The following MIR2052HG variants were observed in gnomAD, a reference collection of about 807,000 sequenced individuals.
The protein encoded by MIR2052HG is MIR2052 host gene.
intron 4 of MIR2052HG, among the ~76,000 whole-genome samples, chr8:74,744,014 G>T (rs1809857621): frequency 6.6e-6 from 1 of 152,162 alleles, no homozygotes; most frequent in Non-Finnish European, 1.5e-5. Context: ...AATTATAAAA[G>T]TAAAAGCTGT....
At chr8:74,671,591 A>G (rs1808993124) in intron 2 of MIR2052HG, among the ~76,000 whole-genome samples, 1 of 152,148 alleles carries the variant, frequency 6.6e-6, no homozygotes, top group African/African-American at 2.4e-5. Flanking sequence ...TTAACATTCA[A>G]CTAGTCTCAA....
chr8:74,723,492 C>T (rs117218764), intron 4 of MIR2052HG, among the ~76,000 whole-genome samples: 2,841 of 152,202 alleles, frequency 0.019, 40 homozygotes, highest in Non-Finnish European at 0.026. Flanking sequence ...CTACTCCTTC[C>T]TAGCTCTGTG....
rs182667803 is a variant in MIR2052HG, at chr8:74,736,733, G to A, written n.372-15708G>A. The stretch of plus-strand genomic sequence containing the variant: ...AAAGAATTCCATCAGATGTCTGGAC[G>A]TTTGGGGTTGGAAACCACTTTGCTC... On this transcript the variant is annotated intron_variant and non_coding_transcript_variant, in intron 4 of 6. Transcript: ENST00000523442. Among the ~76,000 whole-genome samples, 291 of 152,296 alleles carry A rather than the reference G, an allele frequency of 1.9e-3. No homozygotes were observed. The Middle Eastern group carries it at 0.02, about 11-fold the overall frequency.
intron 2 of MIR2052HG, among the ~76,000 whole-genome samples, chr8:74,634,921 A>G (rs954686722): frequency 2.0e-5 from 3 of 152,214 alleles, no homozygotes; most frequent in African/African-American, 7.2e-5. Flanking sequence ...AATGTCAGAT[A>G]TGGACATTAT....
intron 4 of MIR2052HG, among the ~76,000 whole-genome samples, chr8:74,740,463 A>T (rs961130594): frequency 6.6e-5 from 10 of 151,450 alleles, no homozygotes; most frequent in Non-Finnish European, 4.4e-5. Flanking sequence ...GACTTCATCT[A>T]AAAAAAAATT....
intron 4 of MIR2052HG, among the ~76,000 whole-genome samples, chr8:74,733,238 C>G (rs948907229): frequency 3.9e-5 from 6 of 152,016 alleles, no homozygotes; most frequent in Admixed American, 2.6e-4. Flanking sequence ...CCGCTCTCCC[C>G]ACCCCACAAC....
intron 2 of MIR2052HG, among the ~76,000 whole-genome samples, chr8:74,614,172 C>G (rs887478193): frequency 6.6e-6 from 1 of 152,182 alleles, no homozygotes; most frequent in Admixed American, 6.5e-5. Context: ...ACAGTAACTT[C>G]TAAGAGTTGA....
intron 2 of MIR2052HG, among the ~76,000 whole-genome samples, chr8:74,692,499 G>A (rs143323469): frequency 5.3e-5 from 8 of 152,296 alleles, no homozygotes; most frequent in African/African-American, 1.2e-4. Context: ...ACTTTTGGGC[G>A]TGATGACGTA....
chr8:74,613,800 T>C (rs1468797194), intron 2 of MIR2052HG, among the ~76,000 whole-genome samples: 1 of 152,224 alleles, frequency 6.6e-6, no homozygotes, highest in Non-Finnish European at 1.5e-5. Flanking sequence ...AGGGATTCAA[T>C]TTTTAAGCCA....
intron 2 of MIR2052HG, among the ~76,000 whole-genome samples, chr8:74,680,112 A>T (rs1055791727): frequency 3.9e-5 from 6 of 152,234 alleles, no homozygotes; most frequent in African/African-American, 1.4e-4. Context: ...CTGTTTAGAT[A>T]TGGTAAAATC....
chr8:74,712,236 T>A (rs72667594), intron 4 of MIR2052HG, among the ~76,000 whole-genome samples: 15,543 of 152,180 alleles, frequency 0.1, 1,061 homozygotes, highest in Admixed American at 0.19. Flanking sequence ...ATGTAAAGTA[T>A]GTAGAAGAGT....
At chr8:74,707,984 A>C (rs1237433677) in intron 4 of MIR2052HG, among the ~76,000 whole-genome samples, 1 of 152,104 alleles carries the variant, frequency 6.6e-6, no homozygotes, top group Non-Finnish European at 1.5e-5. Flanking sequence ...ACAAGATGAA[A>C]GAACTTTGTC....
chr8:74,676,241 T>C lies in MIR2052HG; in HGVS notation n.217-26138T>C, dbSNP rs1809049619. Among the ~76,000 whole-genome samples the C allele has an allele frequency of 2.6e-5, 4 of 152,010 alleles. No individual in the cohort carries two copies. In the South Asian group the frequency reaches 8.3e-4, roughly 31 times the overall value. On this transcript the variant is annotated intron_variant and non_coding_transcript_variant, in intron 2 of 6. Transcript: ENST00000523442. ...GAAGGAAAATTATTTTAAACATATGTAGATGCATAAATAAATAGCAGATAA... is the reference window on the plus strand; with the variant it reads ...GAAGGAAAATTATTTTAAACATATGCAGATGCATAAATAAATAGCAGATAA...
At chr8:74,623,983 G>A (rs570364710) in intron 2 of MIR2052HG, among the ~76,000 whole-genome samples, 1 of 152,308 alleles carries the variant, frequency 6.6e-6, no homozygotes, top group Non-Finnish European at 1.5e-5. Context: ...GTGGAGCCAA[G>A]CAGTTATATT....
chr8:74,723,109 C>T (rs1309041616), intron 4 of MIR2052HG, among the ~76,000 whole-genome samples: 2 of 152,202 alleles, frequency 1.3e-5, no homozygotes, highest in African/African-American at 4.8e-5. Context: ...TATTTGGGCT[C>T]ATGAAGAAAA....
At chr8:74,737,216 C>T (rs1484190049) in intron 4 of MIR2052HG, among the ~76,000 whole-genome samples, 1 of 152,182 alleles carries the variant, frequency 6.6e-6, no homozygotes, top group Non-Finnish European at 1.5e-5. Flanking sequence ...ACCTCTGTAA[C>T]CTCACTTCAG....
intron 2 of MIR2052HG, among the ~76,000 whole-genome samples, chr8:74,643,133 A>C (rs1808656935): frequency 6.6e-6 from 1 of 152,190 alleles, no homozygotes. Flanking sequence ...TGCTTGGGCA[A>C]AAAGAATCCA....
chr8:74,678,017 GT>G (rs1809073483), intron 2 of MIR2052HG, among the ~76,000 whole-genome samples: 1 of 152,042 alleles, frequency 6.6e-6, no homozygotes, highest in Non-Finnish European at 1.5e-5. Context: ...TATAGAAAAT[GT>G]TTGAGAGTAT....
intron 2 of MIR2052HG, among the ~76,000 whole-genome samples, chr8:74,666,889 T>A (rs1431179861): frequency 2.6e-5 from 4 of 152,196 alleles, no homozygotes; most frequent in Non-Finnish European, 5.9e-5. Context: ...ACTTGGGATT[T>A]CTCATGAGGC....
Sources: gnomAD v4.1 joint callset for allele counts (sites outside exome capture counted in the v4.1 genomes callset) on GRCh38, gnomAD v4.1.1 for gene constraint, MANE v1.5 for transcripts, NCBI Gene and HGNC (gene_info 2026-07-23, HGNC 2026-07-21) for gene names.